Variants in SH3GL3 observed in about 807,000 individuals in gnomAD.
SH3GL3 encodes the protein SH3 domain containing GRB2 like 3, endophilin A3, also known as endophilin-A3.
A neutral mutation model predicts 47.7 loss-of-function variants in SH3GL3; 33 were observed. The observed-to-expected ratio is 0.69, with a 90% CI of 0.52 to 0.92. SH3GL3 has a LOEUF of 0.92. Ranked by LOEUF, SH3GL3 falls within the 40% of genes least tolerant of loss-of-function variation. The pLI, the probability that SH3GL3 is intolerant of heterozygous loss-of-function variation, is 0.00. For missense variants in SH3GL3, 363 were observed against 417.8 expected, an observed-to-expected ratio of 0.87 and a Z score of 1.14; for synonymous variants, 155 against 148.8, an observed-to-expected ratio of 1.04 and a Z score of -0.30.
intron 3 of SH3GL3, 139 bp from the exon 4 acceptor site, chr15:83,568,390 C>A: frequency 3.3e-6 from 2 of 612,208 alleles, no homozygotes; most frequent in Non-Finnish European, 5.7e-6. Flanking sequence ...AAATAGTTCA[C>A]ACACAATTGT....
At chr15:83,628,726 G>A in the SH3GL3 span, among the ~76,000 whole-genome samples, 432 of 152,206 alleles carry the variant, frequency 2.8e-3, 2 homozygotes, top group African/African-American at 0.01. Flanking sequence ...TACCCTGGGT[G>A]ACAGAGCGAG....
intron 1 of SH3GL3, among the ~76,000 whole-genome samples, chr15:83,545,400 A>G (rs568237999): frequency 6.6e-6 from 1 of 152,324 alleles, no homozygotes; most frequent in South Asian, 2.1e-4. Context: ...TTTATCTGAT[A>G]GGATTCTGAA....
chr15:83,456,288 T>C (rs1390933471), intron 1 of SH3GL3, among the ~76,000 whole-genome samples: 1 of 21,886 alleles, frequency 4.6e-5, no homozygotes, highest in African/African-American at 1.7e-4. Flanking sequence ...CCCCCAGAGG[T>C]GGAGCCTACA....
chr15:83,617,662 C>A (rs943310357), intron 8 of SH3GL3, among the ~76,000 whole-genome samples: 2 of 152,240 alleles, frequency 1.3e-5, no homozygotes, highest in Admixed American at 6.5e-5. Flanking sequence ...GGCAACAGAG[C>A]AAGACTCTGT....
chr15:83,495,801 G>C (rs1164508767), intron 1 of SH3GL3, among the ~76,000 whole-genome samples: 2 of 152,096 alleles, frequency 1.3e-5, no homozygotes, highest in Non-Finnish European at 2.9e-5. Flanking sequence ...CTGTATTTAG[G>C]AATGGACTTT....
In SH3GL3 at chr15:83,588,661, G is replaced by T; in HGVS notation, c.729-1G>T. ...GGCTCATCTTACGATGTGTGTTACA[G>T]AATATCAGCTGCATCCAGTGTCCCC... On this transcript the variant is annotated splice_acceptor_variant, in intron 7 of 8. Transcript: ENST00000427482. LOFTEE classifies it high-confidence loss of function. 1 of 1,578,838 alleles carries T rather than the reference G, an allele frequency of 6.3e-7. No homozygotes were observed.
At chr15:83,528,903 AT>A (rs2043541161) in intron 1 of SH3GL3, among the ~76,000 whole-genome samples, 1 of 152,158 alleles carries the variant, frequency 6.6e-6, no homozygotes, top group Non-Finnish European at 1.5e-5. Context: ...TTATGTTGAT[AT>A]CTGCACATCT....
intron 8 of SH3GL3, 91 bp from the exon 9 acceptor site, chr15:83,617,991 A>T (rs950968768): frequency 1.2e-6 from 1 of 861,178 alleles, no homozygotes; most frequent in Non-Finnish European, 1.9e-6. Flanking sequence ...CCTGCTGTTA[A>T]GGGTCTCTCT....
At chr15:83,456,593 T>G (rs2039984595) in intron 1 of SH3GL3, among the ~76,000 whole-genome samples, 2 of 122,140 alleles carry the variant, frequency 1.6e-5, no homozygotes. Flanking sequence ...CGTCACCCCT[T>G]TCTTTGACTC....
At chr15:83,621,260 T>C (rs1486710822), downstream of SH3GL3, among the ~76,000 whole-genome samples, 1 of 152,248 alleles carries the variant, frequency 6.6e-6, no homozygotes, top group African/African-American at 2.4e-5. Context: ...ACTTTCAGCC[T>C]ACCCTGGCTT....
intron 8 of SH3GL3, among the ~76,000 whole-genome samples, chr15:83,601,465 T>C (rs1273931025): frequency 6.6e-6 from 1 of 152,246 alleles, no homozygotes; most frequent in Non-Finnish European, 1.5e-5. Context: ...GTGTAATTTT[T>C]GTTTTTAATT....
chr15:83,473,393 G>A (rs1004389425), intron 1 of SH3GL3, among the ~76,000 whole-genome samples: 1 of 151,980 alleles, frequency 6.6e-6, no homozygotes, highest in African/African-American at 2.4e-5. Flanking sequence ...ATAAGGGTAC[G>A]GCCACATTTT....
At position 83,541,312 on chromosome 15, in the gene SH3GL3, A is replaced by ATTT. The variant is rs71156085; in HGVS notation, c.46-17904_46-17902dup. On this transcript the variant is annotated intron_variant, in intron 1 of 8. Transcript: ENST00000427482. ...GATGGCTGGATCATATGGTAATTCT[A>ATTT]TTTTTTTTTTTTTTTTTTTTTTTTT... Among the ~76,000 whole-genome samples, 29 of 47,368 alleles carry ATTT rather than the reference A, an allele frequency of 6.1e-4. 11 individuals are homozygous for ATTT. The South Asian group carries it at 8.6e-3, about 14-fold the overall frequency. 31.1% of individuals were successfully genotyped at this position (47,368 alleles called of 152,430 possible). A position where few individuals can be genotyped will look rare whatever the true frequency, so the allele number is the denominator to read the frequency against.
chr15:83,628,849 AC>A, the SH3GL3 span, among the ~76,000 whole-genome samples: 2 of 152,310 alleles, frequency 1.3e-5, no homozygotes, highest in South Asian at 2.1e-4. Flanking sequence ...GTAAAAAAAA[AC>A]AACCAAAAAA....
intron 4 of SH3GL3, 44 bp downstream of exon 4, chr15:83,568,716 A>C (rs368843202): frequency 6.5e-7 from 1 of 1,533,114 alleles, no homozygotes; most frequent in Non-Finnish European, 9.0e-7. Flanking sequence ...GAACTCCTCC[A>C]GTATGGTTTT....
intron 8 of SH3GL3, among the ~76,000 whole-genome samples, chr15:83,601,960 A>C (rs1177423013): frequency 2.0e-5 from 3 of 151,824 alleles, no homozygotes; most frequent in Non-Finnish European, 4.4e-5. Context: ...AAAAAAAAAA[A>C]AACAAAACAT....
rs562578234 is a variant in SH3GL3, at chr15:83,572,328, T to G, written c.332-237T>G. Among the ~76,000 whole-genome samples, 15 of 152,340 alleles carry G rather than the reference T, an allele frequency of 9.8e-5. 1 individual carries two copies. The highest frequency in any genetic ancestry group is 3.3e-4 in the Admixed American group (5 of 15,310). ...GGTCCAAATGGTAAGTACTTCGGTC[T>G]GCTAGCCTCAGTTGTATTTTCTGTA... is the stretch of plus-strand genomic sequence containing the variant. On this transcript the variant is annotated intron_variant, in intron 4 of 8. Coordinates refer to ENST00000427482, the MANE Select transcript of SH3GL3 (RefSeq NM_003027.5).
chr15:83,559,607 T>C (rs538942369), intron 2 of SH3GL3, among the ~76,000 whole-genome samples: 1 of 152,350 alleles, frequency 6.6e-6, no homozygotes, highest in South Asian at 2.1e-4. Flanking sequence ...TCTTGGCAGT[T>C]ACTGCAAGGC....
At chr15:83,589,519 G>A (rs2401087) in intron 8 of SH3GL3, among the ~76,000 whole-genome samples, 27,292 of 152,054 alleles carry the variant, frequency 0.18, 3,157 homozygotes, top group Non-Finnish European at 0.25. Flanking sequence ...TGGAACTACA[G>A]GTGTATGTGA....
Sources: gnomAD v4.1 joint callset for allele counts (sites outside exome capture counted in the v4.1 genomes callset) on GRCh38, gnomAD v4.1.1 for gene constraint, MANE v1.5 for transcripts, NCBI Gene and HGNC (gene_info 2026-07-23, HGNC 2026-07-21) for gene names.